Variants in KCNK2 observed in about 807,000 individuals in gnomAD.
The protein encoded by KCNK2 is potassium two pore domain channel subfamily K member 2.
KCNK2 carries 21 observed loss-of-function variants against 40.5 expected under a neutral mutation model. The observed-to-expected ratio is 0.52, with a 90% confidence interval of 0.37 to 0.75. The LOEUF (loss-of-function observed/expected upper bound fraction) is 0.75. KCNK2 is among the 30% of genes least tolerant of loss of function. KCNK2 has a pLI of 0.00. For synonymous variants in KCNK2, 191 were observed against 202.2 expected (o/e 0.94, Z 0.47); for missense variants, 399 against 531.6 (o/e 0.75, Z 2.45).
intron 6 of KCNK2, among the ~76,000 whole-genome samples, chr1:215,226,045 A>C (rs1460372351): frequency 6.6e-6 from 1 of 152,186 alleles, no homozygotes; most frequent in Non-Finnish European, 1.5e-5. Context: ...TTACTCTAAA[A>C]ATGTTGAAAT....
chr1:215,116,065 T>C (rs984674243), intron 2 of KCNK2, among the ~76,000 whole-genome samples: 3 of 151,788 alleles, frequency 2.0e-5, no homozygotes, highest in Non-Finnish European at 2.9e-5. Flanking sequence ...AAATCTTCCC[T>C]GTAACAAGTC....
intron 3 of KCNK2, among the ~76,000 whole-genome samples, chr1:215,147,998 T>A (rs1045769693): frequency 2.0e-5 from 3 of 152,102 alleles, no homozygotes; most frequent in Admixed American, 6.5e-5. Context: ...GTATTATTAA[T>A]GTTGTTTTTC....
Position 215,142,272 on chromosome 1 carries a change from C to T in KCNK2, c.475+17522C>T, listed in dbSNP as rs369418341. Among the ~76,000 whole-genome samples the T allele has an allele frequency of 2.0e-5, 3 of 152,098 alleles. No homozygotes were observed. The East Asian group carries it at 5.8e-4, about 29-fold the overall frequency. ...GTGATTTCCAAACATATTCTGGGTC[C>T]TGCAGTATACTATTTTTGGAGACAT... is the stretch of plus-strand genomic sequence containing the variant. On this transcript the variant is annotated intron_variant, in intron 3 of 6. Transcript: ENST00000444842.
chr1:215,102,404 T>C (rs1016391457), intron 2 of KCNK2, among the ~76,000 whole-genome samples: 2 of 152,028 alleles, frequency 1.3e-5, no homozygotes, highest in African/African-American at 4.8e-5. Flanking sequence ...AGAAAATCTT[T>C]TTGTACAGCT....
At chr1:215,183,212 A>C (rs1302603174) in intron 5 of KCNK2, among the ~76,000 whole-genome samples, 2 of 152,096 alleles carry the variant, frequency 1.3e-5, no homozygotes, top group Non-Finnish European at 2.9e-5. Flanking sequence ...TGAATCTATT[A>C]TTATTATTTT....
At chr1:215,144,099 A>G (rs1662306294) in intron 3 of KCNK2, among the ~76,000 whole-genome samples, 1 of 152,192 alleles carries the variant, frequency 6.6e-6, no homozygotes, top group South Asian at 2.1e-4. Flanking sequence ...GCTAAATGGC[A>G]TTACTCTTTT....
chr1:215,015,488 T>C, intron 1 of KCNK2, among the ~76,000 whole-genome samples: 1 of 151,982 alleles, frequency 6.6e-6, no homozygotes, highest in East Asian at 1.9e-4. Context: ...GGCTCTGGGG[T>C]CTTTGGCGGG....
At chr1:215,018,583 A>T (rs1022770933) in intron 1 of KCNK2, among the ~76,000 whole-genome samples, 1 of 152,174 alleles carries the variant, frequency 6.6e-6, no homozygotes, top group Non-Finnish European at 1.5e-5. Flanking sequence ...ATGGAAGGGT[A>T]AGTAAGATAG....
At chr1:215,199,322 A>G (rs1213078469) in intron 6 of KCNK2, among the ~76,000 whole-genome samples, 1 of 152,188 alleles carries the variant, frequency 6.6e-6, no homozygotes, top group African/African-American at 2.4e-5. Context: ...AAAAATAAAA[A>G]TAAAATAAAA....
chr1:215,116,702 G>A, intron 2 of KCNK2, among the ~76,000 whole-genome samples: 1 of 152,068 alleles, frequency 6.6e-6, no homozygotes, highest in East Asian at 1.9e-4. Context: ...CTGGTGTGCA[G>A]AAACTGCCTT....
At chr1:215,182,361 C>G (rs1664255758) in intron 5 of KCNK2, among the ~76,000 whole-genome samples, 1 of 152,012 alleles carries the variant, frequency 6.6e-6, no homozygotes, top group Non-Finnish European at 1.5e-5. Flanking sequence ...AATCTATGTC[C>G]AGGAAGCATT....
chr1:215,099,751 G>C (rs535251630), intron 2 of KCNK2, among the ~76,000 whole-genome samples: 5 of 151,942 alleles, frequency 3.3e-5, no homozygotes, highest in Admixed American at 6.6e-5. Flanking sequence ...CATTTTTAAG[G>C]TCTCAACATG....
chr1:215,195,883 C>G (rs1008421141), intron 6 of KCNK2, among the ~76,000 whole-genome samples: 2 of 152,108 alleles, frequency 1.3e-5, no homozygotes, highest in African/African-American at 4.8e-5. Context: ...CAGAGAACAA[C>G]AAATCTGTAA....
At chr1:215,129,095 G>A (rs928259546) in intron 3 of KCNK2, among the ~76,000 whole-genome samples, 11 of 152,166 alleles carry the variant, frequency 7.2e-5, no homozygotes, top group East Asian at 1.9e-4. Context: ...ACAAAATGTC[G>A]AAATAATTAG....
At chr1:215,057,557 C>T (rs982052290) in intron 1 of KCNK2, among the ~76,000 whole-genome samples, 7 of 152,080 alleles carry the variant, frequency 4.6e-5, no homozygotes, top group Non-Finnish European at 1.0e-4. Flanking sequence ...TATGTTGACT[C>T]CACCACTGAA....
At chr1:215,065,874 T>C (rs1658519240) in intron 1 of KCNK2, among the ~76,000 whole-genome samples, 1 of 152,192 alleles carries the variant, frequency 6.6e-6, no homozygotes, top group African/African-American at 2.4e-5. Flanking sequence ...CATGCATCTT[T>C]AGTCCCACCT....
At chr1:215,031,585 G>T (rs1657191659) in intron 1 of KCNK2, among the ~76,000 whole-genome samples, 1 of 152,110 alleles carries the variant, frequency 6.6e-6, no homozygotes, top group Non-Finnish European at 1.5e-5. Context: ...TTGGATTAGG[G>T]TGCTGAGTTG....
At position 215,202,017 on chromosome 1, in the gene KCNK2, CTTG is replaced by C. The variant is rs201697499; in HGVS notation, c.963+6931_963+6933del. The stretch of plus-strand genomic sequence containing the variant: ...TGGTACAATTTTTCTGGCAGTGTTT[CTTG>C]TTGTTATTGTTCTCTTACTGAGATA... On this transcript the variant is annotated intron_variant, in intron 6 of 6. Coordinates refer to ENST00000444842, the MANE Select transcript of KCNK2 (RefSeq NM_001017425.3). Among the ~76,000 whole-genome samples the C allele has an allele frequency of 2.3e-4, 35 of 152,136 alleles. No individual in the cohort carries two copies. The East Asian group carries it at 3.7e-3, about 16-fold the overall frequency.
chr1:215,190,912 A>C (rs1664637817), intron 5 of KCNK2, among the ~76,000 whole-genome samples: 1 of 152,024 alleles, frequency 6.6e-6, no homozygotes, highest in Admixed American at 6.6e-5. Context: ...ATATTCTGTA[A>C]ATCAGTGGAA....
Sources: allele counts gnomAD v4.1 joint callset (sites outside exome capture counted in the v4.1 genomes callset), GRCh38; gene constraint gnomAD v4.1.1; transcripts MANE v1.5; gene names NCBI Gene and HGNC (gene_info 2026-07-23, HGNC 2026-07-21).